Variants in SYN3 observed in about 807,000 individuals in gnomAD.
SYN3 encodes synapsin-3.
Under a neutral mutation model 65.8 loss-of-function variants are expected in SYN3, and 35 were observed. The ratio of observed to expected loss-of-function variants is 0.53; its 90% CI spans 0.41 to 0.70. The LOEUF is 0.70. SYN3 is among the 30% of genes least tolerant of loss of function. The pLI is 0.00. For missense variants in SYN3, 680 were observed against 749.0 expected, an observed-to-expected ratio of 0.91 and a Z score of 1.08; for synonymous variants, 270 against 292.9, an observed-to-expected ratio of 0.92 and a Z score of 0.80.
intron 6 of SYN3, among the ~76,000 whole-genome samples, chr22:32,632,706 C>A (rs1045442238): frequency 6.6e-6 from 1 of 152,178 alleles, no homozygotes; most frequent in African/African-American, 2.4e-5. Flanking sequence ...TCCTCCTTAG[C>A]CTTTCCCTTC....
At chr22:32,941,427 T>C (rs993902969) in intron 3 of SYN3, among the ~76,000 whole-genome samples, 4 of 152,212 alleles carry the variant, frequency 2.6e-5, no homozygotes, top group Non-Finnish European at 5.9e-5. Context: ...TTTGCGCATT[T>C]GTTGCTAGCC....
At chr22:32,692,155 C>CAAAAA (rs1188224009) in intron 6 of SYN3, among the ~76,000 whole-genome samples, 24 of 34,454 alleles carry the variant, frequency 7.0e-4, no homozygotes, top group African/African-American at 2.7e-3. Flanking sequence ...GACAAAAAGA[C>CAAAAA]AAAAAAAAAA....
chr22:32,547,190 G>T (rs1369599595), intron 7 of SYN3, among the ~76,000 whole-genome samples: 1 of 151,928 alleles, frequency 6.6e-6, no homozygotes, highest in Non-Finnish European at 1.5e-5. Flanking sequence ...TCCCCATGTT[G>T]CCCAGGCTGG....
chr22:32,831,005 A>G (rs535017357), intron 6 of SYN3, among the ~76,000 whole-genome samples: 1 of 152,282 alleles, frequency 6.6e-6, no homozygotes, highest in Non-Finnish European at 1.5e-5. Flanking sequence ...GAGAAACATG[A>G]AGGTAAAAAT....
intron 6 of SYN3, among the ~76,000 whole-genome samples, chr22:32,780,653 A>G (rs1292429614): frequency 6.6e-6 from 1 of 152,164 alleles, no homozygotes; most frequent in Admixed American, 6.5e-5. Flanking sequence ...GAGCCTGGGC[A>G]CTGAAATAAC....
At chr22:32,770,921 G>A (rs2045752098) in intron 6 of SYN3, among the ~76,000 whole-genome samples, 1 of 146,152 alleles carries the variant, frequency 6.8e-6, no homozygotes, top group Non-Finnish European at 1.5e-5. Flanking sequence ...TTTAAGTTCT[G>A]GGATACCTGT....
chr22:32,705,323 A>G (rs1368020443), intron 6 of SYN3, among the ~76,000 whole-genome samples: 1 of 152,150 alleles, frequency 6.6e-6, no homozygotes, highest in Non-Finnish European at 1.5e-5. Context: ...TCCTTTCCCC[A>G]TTGCTTGTTT....
At chr22:32,882,322 T>C (rs1181033696) in intron 4 of SYN3, among the ~76,000 whole-genome samples, 1 of 152,156 alleles carries the variant, frequency 6.6e-6, no homozygotes, top group Non-Finnish European at 1.5e-5. Context: ...CTGGCTAACA[T>C]TTTGTCTGTC....
intron 6 of SYN3, among the ~76,000 whole-genome samples, chr22:32,677,902 G>A (rs2060469166): frequency 6.6e-6 from 1 of 152,168 alleles, no homozygotes; most frequent in Non-Finnish European, 1.5e-5. Flanking sequence ...AGGCATGTAT[G>A]TTGATAGGAA....
At chr22:32,575,270 G>C (rs775884762) in intron 7 of SYN3, among the ~76,000 whole-genome samples, 3 of 152,256 alleles carry the variant, frequency 2.0e-5, no homozygotes, top group African/African-American at 7.2e-5. Context: ...TGGGTGGAAG[G>C]TTGGACGCCA....
At chr22:32,615,283 A>C (rs2059500028) in intron 6 of SYN3, among the ~76,000 whole-genome samples, 2 of 151,928 alleles carry the variant, frequency 1.3e-5, no homozygotes, top group South Asian at 4.2e-4. Flanking sequence ...AAAAATACAA[A>C]AATTAGCTGG....
At chr22:32,978,059 G>A (rs1373688117) in intron 3 of SYN3, among the ~76,000 whole-genome samples, 1 of 152,204 alleles carries the variant, frequency 6.6e-6, no homozygotes, top group Non-Finnish European at 1.5e-5. Context: ...GGAAAGGATT[G>A]TAAAGCTAAC....
intron 6 of SYN3, among the ~76,000 whole-genome samples, chr22:32,792,463 T>C (rs5754288): frequency 0.12 from 18,548 of 152,224 alleles, 1,160 homozygotes; most frequent in Middle Eastern, 0.18. Context: ...AATCTCATGT[T>C]TGAAATTTCA....
chr22:32,794,699 C>T lies in SYN3; in HGVS notation c.711+70216G>A, dbSNP rs146400143. ...TGTGCGAGGTGCCAAGCTGGAAGCC[C>T]GGAGGACCCAGTGTGGGTGGGAGGT... On this transcript the variant is annotated intron_variant, in intron 6 of 13. Transcript: ENST00000358763. 1.2e-4 allele frequency among the ~76,000 whole-genome samples: 18 copies of T among 152,142 alleles called. No homozygotes were observed. The East Asian group carries it at 2.5e-3, about 21-fold the overall frequency.
At chr22:32,897,149 G>T (rs916184155) in intron 4 of SYN3, among the ~76,000 whole-genome samples, 1 of 152,106 alleles carries the variant, frequency 6.6e-6, no homozygotes. Flanking sequence ...CTGCCCTACC[G>T]CTGAGCACCT....
chr22:32,990,400 CCAT>C (rs2052674797), intron 2 of SYN3, among the ~76,000 whole-genome samples: 1 of 124,272 alleles, frequency 8.0e-6, no homozygotes, highest in African/African-American at 3.5e-5. Context: ...ATCCATCCAT[CCAT>C]CCAGCCATCC....
At chr22:32,919,214 G>C (rs748296952) in intron 4 of SYN3, among the ~76,000 whole-genome samples, 4 of 152,096 alleles carry the variant, frequency 2.6e-5, no homozygotes, top group Non-Finnish European at 2.9e-5. Flanking sequence ...CACGGGGCTC[G>C]CTCTGCTCAC....
At chr22:32,961,684 T>A (rs2051657087) in intron 3 of SYN3, among the ~76,000 whole-genome samples, 1 of 152,222 alleles carries the variant, frequency 6.6e-6, no homozygotes, top group Non-Finnish European at 1.5e-5. Flanking sequence ...AGAAAGATAA[T>A]GAGGCCGCCC....
chr22:32,965,162 A>G (rs5998677), intron 3 of SYN3, among the ~76,000 whole-genome samples: 1 of 152,068 alleles, frequency 6.6e-6, no homozygotes, highest in Non-Finnish European at 1.5e-5. Context: ...TGAAAATTAA[A>G]TGTATACAGA....
Sources: gnomAD v4.1 joint callset for allele counts (sites outside exome capture counted in the v4.1 genomes callset) on GRCh38, gnomAD v4.1.1 for gene constraint, MANE v1.5 for transcripts, NCBI Gene and HGNC (gene_info 2026-07-23, HGNC 2026-07-21) for gene names.